Variants in PTPRD observed in about 807,000 individuals in gnomAD.
PTPRD encodes the protein receptor-type tyrosine-protein phosphatase delta.
A neutral mutation model predicts 214.5 loss-of-function variants in PTPRD; 34 were observed. The observed-to-expected ratio is 0.16, with a 90% CI of 0.12 to 0.21. PTPRD has a LOEUF of 0.21. Ranked by LOEUF, PTPRD falls within the 10% of genes least tolerant of loss-of-function variation. PTPRD has a pLI of 1.00. For missense variants in PTPRD, 2,545 were observed against 2,398.7 expected (o/e 1.06, Z -1.27); for synonymous variants, 1,128 against 845.7 (o/e 1.33, Z -5.79).
At chr9:10,187,735 T>C (rs996406926) in intron 3 of PTPRD, among the ~76,000 whole-genome samples, 3 of 152,214 alleles carry the variant, frequency 2.0e-5, no homozygotes, top group Admixed American at 1.3e-4. Flanking sequence ...TCTGCTTTCA[T>C]GGGTTATTCT....
At chr9:8,797,484 C>T (rs1037272198) in intron 11 of PTPRD, among the ~76,000 whole-genome samples, 1 of 152,186 alleles carries the variant, frequency 6.6e-6, no homozygotes, top group African/African-American at 2.4e-5. Context: ...ATATATGATG[C>T]AGTTAGGAAA....
At chr9:10,173,546 G>A (rs2099225525) in intron 3 of PTPRD, among the ~76,000 whole-genome samples, 1 of 152,050 alleles carries the variant, frequency 6.6e-6, no homozygotes, top group Non-Finnish European at 1.5e-5. Flanking sequence ...ATTGACCAAT[G>A]TTGTTATTTA....
chr9:8,438,878 G>C (rs573310722), intron 34 of PTPRD: 2 of 152,158 alleles, frequency 1.3e-5, no homozygotes, highest in African/African-American at 4.8e-5. Flanking sequence ...AGCAGTAGAA[G>C]ACCATAATAA....
intron 7 of PTPRD, among the ~76,000 whole-genome samples, chr9:9,638,749 T>C (rs913733474): frequency 3.9e-5 from 6 of 152,196 alleles, no homozygotes; most frequent in African/African-American, 1.2e-4. Flanking sequence ...TGTGCTACTA[T>C]AACAGATTAC....
At chr9:10,598,848 A>G (rs1256305841) in intron 2 of PTPRD, among the ~76,000 whole-genome samples, 1 of 151,648 alleles carries the variant, frequency 6.6e-6, no homozygotes, top group Non-Finnish European at 1.5e-5. Context: ...GATGATATAA[A>G]GAAAGGAAGA....
chr9:8,687,594 A>G (rs1297131499), intron 12 of PTPRD, among the ~76,000 whole-genome samples: 1 of 152,124 alleles, frequency 6.6e-6, no homozygotes, highest in Non-Finnish European at 1.5e-5. Flanking sequence ...GGGCTCTGTT[A>G]GCCTTGATCT....
At chr9:8,631,958 CACTT>C (rs1003172186) in intron 14 of PTPRD, among the ~76,000 whole-genome samples, 21 of 152,034 alleles carry the variant, frequency 1.4e-4, no homozygotes, top group African/African-American at 4.6e-4. Flanking sequence ...GCTCAAATCT[CACTT>C]GTCTGTTTTA....
intron 43 of PTPRD, among the ~76,000 whole-genome samples, chr9:8,337,227 A>C (rs1202216213): frequency 6.6e-6 from 1 of 152,242 alleles, no homozygotes; most frequent in South Asian, 2.1e-4. Flanking sequence ...GATTGGATAA[A>C]GAAAATGTGG....
intron 3 of PTPRD, among the ~76,000 whole-genome samples, chr9:10,219,987 A>C (rs1564605177): frequency 1.3e-5 from 2 of 151,890 alleles, no homozygotes; most frequent in Non-Finnish European, 2.9e-5. Flanking sequence ...AATAAAATGA[A>C]GAAATTAAAA....
intron 4 of PTPRD, among the ~76,000 whole-genome samples, chr9:10,027,002 G>C (rs1292659786): frequency 1.3e-5 from 2 of 152,058 alleles, no homozygotes; most frequent in African/African-American, 4.8e-5. Flanking sequence ...ACCAGAGAAT[G>C]TATTGTCTGC....
chr9:9,303,535 C>G (rs184990187), intron 9 of PTPRD, among the ~76,000 whole-genome samples: 3 of 152,038 alleles, frequency 2.0e-5, no homozygotes, highest in African/African-American at 7.2e-5. Flanking sequence ...AAAAAGCTAT[C>G]TTACAAAATG....
At chr9:9,041,703 A>C (rs1315688475) in intron 10 of PTPRD, among the ~76,000 whole-genome samples, 1 of 152,202 alleles carries the variant, frequency 6.6e-6, no homozygotes, top group East Asian at 1.9e-4. Flanking sequence ...ACTCACAGAA[A>C]GTTAGCACTG....
At chr9:9,620,824 G>C (rs1428993061) in intron 7 of PTPRD, among the ~76,000 whole-genome samples, 3 of 151,170 alleles carry the variant, frequency 2.0e-5, no homozygotes, top group Admixed American at 6.6e-5. Context: ...GCTTTGCCAA[G>C]TGAGGTTGCT....
At position 8,519,837 on chromosome 9, in the gene PTPRD, G is replaced by C. The variant is rs1006203366; in HGVS notation, c.962-1408C>G. ...GCAAGAGTCAGGAAAACAAAGATGAGAAGGTGAACAAAATATTAGTTTAAA... is the reference window on the plus strand; with the variant it reads ...GCAAGAGTCAGGAAAACAAAGATGACAAGGTGAACAAAATATTAGTTTAAA... On this transcript the variant is annotated intron_variant, in intron 20 of 45. Coordinates refer to ENST00000381196, the MANE Select transcript of PTPRD (RefSeq NM_002839.4). Among the ~76,000 whole-genome samples the C allele has an allele frequency of 5.3e-5, 8 of 152,280 alleles. No homozygotes were observed. The East Asian group carries it at 1.5e-3, about 29-fold the overall frequency.
chr9:10,113,094 C>T (rs570381049), intron 3 of PTPRD, among the ~76,000 whole-genome samples: 10 of 152,266 alleles, frequency 6.6e-5, no homozygotes, highest in South Asian at 6.2e-4. Flanking sequence ...TCAGCACTCA[C>T]TTTTATCAAG....
At chr9:9,369,201 T>C (rs925987764) in intron 9 of PTPRD, among the ~76,000 whole-genome samples, 17 of 151,916 alleles carry the variant, frequency 1.1e-4, no homozygotes, top group Admixed American at 9.9e-4. Flanking sequence ...TCCACAATGG[T>C]TGAACTAGTT....
At chr9:10,170,673 C>G (rs1330539723) in intron 3 of PTPRD, among the ~76,000 whole-genome samples, 2 of 152,128 alleles carry the variant, frequency 1.3e-5, no homozygotes, top group Admixed American at 1.3e-4. Flanking sequence ...GGCGACAGAG[C>G]AAGACTCCGT....
intron 3 of PTPRD, among the ~76,000 whole-genome samples, chr9:10,165,220 G>C (rs2099151916): frequency 6.6e-6 from 1 of 151,586 alleles, no homozygotes. Context: ...TCTTATATTT[G>C]CTTGGAAGTA....
At chr9:10,386,000 T>C (rs943961077) in intron 2 of PTPRD, among the ~76,000 whole-genome samples, 3 of 151,914 alleles carry the variant, frequency 2.0e-5, no homozygotes, top group African/African-American at 7.2e-5. Context: ...TCATATTTCT[T>C]TACCTTTGGA....
Sources: allele counts gnomAD v4.1 joint callset (sites outside exome capture counted in the v4.1 genomes callset), GRCh38; gene constraint gnomAD v4.1.1; transcripts MANE v1.5; gene names NCBI Gene and HGNC (gene_info 2026-07-23, HGNC 2026-07-21).